The following PHACTR1 variants were observed in gnomAD, a reference collection of about 807,000 sequenced individuals.
The protein encoded by PHACTR1 is RPEL repeat containing 1.
In PHACTR1, 16 loss-of-function variants were observed where a neutral mutation model predicts 69.2. That is an observed-to-expected ratio of 0.23 (90% CI 0.16 to 0.35). The LOEUF is 0.35. Ranked by LOEUF, PHACTR1 falls within the 10% of genes least tolerant of loss-of-function variation. PHACTR1 has a pLI of 1.00. For missense variants in PHACTR1, 510 were observed against 734.7 expected, an observed-to-expected ratio of 0.69 and a Z score of 3.54; for synonymous variants, 312 against 284.5, an observed-to-expected ratio of 1.10 and a Z score of -0.97.
At chr6:13,247,004 T>C (rs572262907) in intron 10 of PHACTR1, among the ~76,000 whole-genome samples, 1 of 152,330 alleles carries the variant, frequency 6.6e-6, no homozygotes, top group Admixed American at 6.5e-5. Flanking sequence ...CATCCAAAGA[T>C]ACAACCCTGG....
At chr6:12,956,522 A>AG (rs1304072703) in intron 4 of PHACTR1, among the ~76,000 whole-genome samples, 1 of 152,098 alleles carries the variant, frequency 6.6e-6, no homozygotes, top group East Asian at 1.9e-4. Context: ...GAGTGGCCTG[A>AG]GGGGTTGCAA....
intron 4 of PHACTR1, among the ~76,000 whole-genome samples, chr6:12,956,465 A>G (rs543964170): frequency 6.6e-6 from 1 of 152,188 alleles, no homozygotes; most frequent in African/African-American, 2.4e-5. Context: ...AGGAATTATT[A>G]CTATTACCTT....
intron 4 of PHACTR1, among the ~76,000 whole-genome samples, chr6:12,852,240 G>A (rs1322084292): frequency 1.3e-5 from 2 of 152,178 alleles, no homozygotes; most frequent in African/African-American, 4.8e-5. Flanking sequence ...CGAGGGCCAA[G>A]CAACGTCCCA....
chr6:13,268,316 G>A (rs376742270), intron 10 of PHACTR1, among the ~76,000 whole-genome samples: 4 of 152,280 alleles, frequency 2.6e-5, no homozygotes, highest in African/African-American at 9.6e-5. Flanking sequence ...AGAACTGATA[G>A]AGTCAAATCC....
intron 6 of PHACTR1, among the ~76,000 whole-genome samples, chr6:13,163,621 C>T (rs987924988): frequency 7.2e-5 from 11 of 152,146 alleles, no homozygotes; most frequent in Admixed American, 4.6e-4. Flanking sequence ...CTGATAAAAG[C>T]ACTCATTTTG....
intron 4 of PHACTR1, among the ~76,000 whole-genome samples, chr6:12,793,512 A>C (rs1772596648): frequency 6.6e-6 from 1 of 152,212 alleles, no homozygotes; most frequent in Admixed American, 6.5e-5. Flanking sequence ...TTTGAAAGGA[A>C]ATGCAAAATC....
intron 4 of PHACTR1, among the ~76,000 whole-genome samples, chr6:12,841,099 C>T (rs1778655950): frequency 1.3e-5 from 2 of 152,182 alleles, no homozygotes; most frequent in South Asian, 4.1e-4. Flanking sequence ...CTGTCTGTTG[C>T]ATAATATGCA....
intron 4 of PHACTR1, among the ~76,000 whole-genome samples, chr6:12,845,346 T>C (rs976118607): frequency 6.7e-5 from 10 of 150,138 alleles, no homozygotes; most frequent in African/African-American, 2.4e-4. Context: ...CCTTTGCATT[T>C]CAGTCTCCAC....
chr6:12,945,728 C>T (rs536046387), intron 4 of PHACTR1, among the ~76,000 whole-genome samples: 174 of 152,106 alleles, frequency 1.1e-3, no homozygotes, highest in Admixed American at 3.0e-3. Context: ...TTTTGGGAGG[C>T]GGAGGCAGGC....
chr6:13,024,457 G>A (rs1801411417), intron 4 of PHACTR1, among the ~76,000 whole-genome samples: 1 of 152,190 alleles, frequency 6.6e-6, no homozygotes, highest in African/African-American at 2.4e-5. Flanking sequence ...GATCTTGGCT[G>A]CAGGGACATT....
intron 7 of PHACTR1, among the ~76,000 whole-genome samples, chr6:13,201,234 C>T (rs1008750644): frequency 2.6e-5 from 4 of 152,148 alleles, no homozygotes; most frequent in Non-Finnish European, 5.9e-5. Context: ...CGCTGCTGAC[C>T]ACCAGGGTTG....
chr6:13,166,279 TTCTA>T (rs1462414561), intron 6 of PHACTR1, among the ~76,000 whole-genome samples: 3 of 152,230 alleles, frequency 2.0e-5, no homozygotes, highest in Admixed American at 6.5e-5. Context: ...TCCTTTTTTC[TTCTA>T]TCTCTTATCA....
intron 4 of PHACTR1, among the ~76,000 whole-genome samples, chr6:13,020,416 C>A (rs1338253237): frequency 1.3e-5 from 2 of 152,188 alleles, no homozygotes; most frequent in Non-Finnish European, 2.9e-5. Flanking sequence ...AGAATGAGTT[C>A]CTGCTCTGAG....
At position 13,206,067 on chromosome 6, in the gene PHACTR1, A is replaced by G. The variant is rs977214969; in HGVS notation, c.917A>G (p.His306Arg). The change falls in exon 8 of 15, where the codon CAC becomes CGC. Residue 306 changes from histidine (H) to arginine (R), a missense_variant. His to Arg is a conservative substitution (Grantham distance 29). Transcript: ENST00000332995. ...LPSTTGSLPM[H>R]PSGCRMIDEL... ...TCCACCACCGGCTCCCTCCCCATGCACCCCTCGGGCTGCAGAATGATAGAC... is the reference window on the plus strand; with the variant it reads ...TCCACCACCGGCTCCCTCCCCATGCGCCCCTCGGGCTGCAGAATGATAGAC... The G allele has an allele frequency of 6.2e-7, 1 of 1,613,020 alleles. No individual in the cohort carries two copies. The highest frequency in any genetic ancestry group is 8.5e-7 in the Non-Finnish European group (1 of 1,179,656).
intron 11 of PHACTR1, chr6:13,273,568 A>G (rs533557615): frequency 9.6e-4 from 146 of 152,064 alleles, no homozygotes; most frequent in African/African-American, 3.3e-3. Flanking sequence ...ACATTTGAAT[A>G]TGTACAGAGG....
intron 5 of PHACTR1, among the ~76,000 whole-genome samples, chr6:13,077,187 A>AAAAAAAG (rs1554122442): frequency 6.8e-6 from 1 of 147,786 alleles, no homozygotes; most frequent in African/African-American, 2.6e-5. Context: ...AAAAAAAAAA[A>AAAAAAAG]AAAGTGATTG....
intron 5 of PHACTR1, among the ~76,000 whole-genome samples, chr6:13,120,703 C>T (rs1818578990): frequency 6.6e-6 from 1 of 152,196 alleles, no homozygotes; most frequent in Non-Finnish European, 1.5e-5. Flanking sequence ...GCATGCTGCC[C>T]TTCCTCTCTT....
At chr6:12,951,001 A>C (rs1791224052) in intron 4 of PHACTR1, among the ~76,000 whole-genome samples, 1 of 152,180 alleles carries the variant, frequency 6.6e-6, no homozygotes, top group African/African-American at 2.4e-5. Flanking sequence ...GGACCAACAA[A>C]AGGGCCTGAT....
rs375553039 is a variant in PHACTR1, at chr6:13,225,008, G to A, written c.987-2808G>A. ...TCAAGAAGAGAGTAAGTGGCAAAACGTGGACTCAGATCTGTCTGGACTCCC... is the reference window on the plus strand; with the variant it reads ...TCAAGAAGAGAGTAAGTGGCAAAACATGGACTCAGATCTGTCTGGACTCCC... On this transcript the variant is annotated intron_variant, in intron 8 of 14. Coordinates refer to ENST00000332995, the MANE Select transcript of PHACTR1 (RefSeq NM_030948.6). 7.3e-5 allele frequency among the ~76,000 whole-genome samples: 11 copies of A among 151,578 alleles called. No homozygotes were observed. In the East Asian group the frequency reaches 1.9e-3, roughly 27 times the overall value.
Sources: allele counts gnomAD v4.1 joint callset (sites outside exome capture counted in the v4.1 genomes callset), GRCh38; gene constraint gnomAD v4.1.1; transcripts MANE v1.5; gene names NCBI Gene and HGNC (gene_info 2026-07-23, HGNC 2026-07-21).